PRC1: variants seen among roughly 807,000 people sequenced by gnomAD.
PRC1 encodes anaphase spindle elongation 1 homolog.
In PRC1, 54 loss-of-function variants were observed where a neutral mutation model predicts 91.2. The observed-to-expected ratio is 0.59, with a 90% confidence interval of 0.48 to 0.74. The LOEUF (loss-of-function observed/expected upper bound fraction) is 0.74, where lower values mean the gene tolerates loss of function less well. Ranked by LOEUF, PRC1 falls within the 30% of genes least tolerant of loss-of-function variation. The probability of loss-of-function intolerance (pLI) is 0.00; values close to 1 mark genes in which losing one functional copy is unlikely to be tolerated. For synonymous variants in PRC1, 275 were observed against 263.6 expected, an observed-to-expected ratio of 1.04 and a Z score of -0.42; for missense variants, 727 against 746.2, an observed-to-expected ratio of 0.97 and a Z score of 0.30.
At chr15:90,982,854 TG>T (rs2039309585) in intron 3 of PRC1, 1 of 152,298 alleles carries the variant, frequency 6.6e-6, no homozygotes, top group South Asian at 2.1e-4. Flanking sequence ...GCTAATCCTA[TG>T]AACATCGTCT....
At chr15:90,982,087 ACAAG>A (rs1264498927) in intron 3 of PRC1, 106 bp from the exon 4 acceptor site, 9 of 1,043,100 alleles carry the variant, frequency 8.6e-6, no homozygotes, top group Non-Finnish European at 1.3e-5. Flanking sequence ...AGTTAAACTA[ACAAG>A]TAAGTCAACT....
At chr15:90,968,321 G>A in intron 14 of PRC1, 1 of 985,506 alleles carries the variant, frequency 1.0e-6, no homozygotes, top group Non-Finnish European at 1.2e-6. Flanking sequence ...CAGTTTCAGT[G>A]ATCAAAACTA....
Position 90,974,814 on chromosome 15 carries a change from T to G in PRC1, c.1204-83A>C, listed in dbSNP as rs1217611902. 6 of 1,503,204 alleles carry G rather than the reference T, an allele frequency of 4.0e-6. No individual in the cohort carries two copies. Among genetic ancestry groups the G allele is most frequent in the South Asian group, 3.5e-5 (3 of 85,060 alleles). The allele number at this position is 1,503,204 out of a possible 1,614,324, so 93.1% of individuals were successfully genotyped here. A position where few individuals can be genotyped will look rare whatever the true frequency, so the allele number is the denominator to read the frequency against. On this transcript the variant is annotated intron_variant, in intron 9 of 14. Transcript: ENST00000394249. This position sits in a 1 kb window ranked among gnomAD's most constrained non-coding sequence, Gnocchi z 4.6. ...TGAAATGATTTCCCTAGAGAGTGACTCCTCCTCCCCAGAGCATCATTAGCC... is the reference window on the plus strand; with the variant it reads ...TGAAATGATTTCCCTAGAGAGTGACGCCTCCTCCCCAGAGCATCATTAGCC...
rs190092008 is a variant in PRC1 at position 90,985,483 on chromosome 15, G to A, written c.12-658C>T. Among the ~76,000 whole-genome samples the A allele has an allele frequency of 2.8e-3, 421 of 151,748 alleles. 1 individual carries two copies. Among genetic ancestry groups the A allele is most frequent in the African/African-American group, 9.2e-3 (382 of 41,404 alleles). ...CGGCCTCAAGTGATCCGCCCTCCTC[G>A]GCCTCCCAAAGTGCTAGGATTACAT... On this transcript the variant is annotated intron_variant, in intron 1 of 14. Transcript: ENST00000394249.
intron 14 of PRC1, chr15:90,968,458 TGA>T (rs746565707): frequency 9.1e-6 from 9 of 985,318 alleles, no homozygotes; most frequent in African/African-American, 1.7e-5. Flanking sequence ...AGTAAAATAT[TGA>T]GAGAAGAAAT....
At chr15:90,976,061 A>G (rs8031915) in intron 9 of PRC1, among the ~76,000 whole-genome samples, 82,336 of 151,882 alleles carry the variant, frequency 0.54, 27,192 homozygotes, top group East Asian at 0.99. Flanking sequence ...TGTTGTCGAA[A>G]CTGCCCAGTC....
intron 8 of PRC1, 29 bp from the exon 9 acceptor site, chr15:90,976,800 A>G (rs749892616): frequency 6.4e-7 from 1 of 1,557,044 alleles, no homozygotes; most frequent in Non-Finnish European, 8.9e-7. Flanking sequence ...TAATTAGTGG[A>G]AAACCTGGCA....
chr15:90,972,197 A>C (rs1288505721), intron 11 of PRC1, among the ~76,000 whole-genome samples: 20 of 146,070 alleles, frequency 1.4e-4, no homozygotes, highest in African/African-American at 5.0e-4. Flanking sequence ...AAAAAAAAAA[A>C]AAAAAAACAC....
intron 1 of PRC1, chr15:90,988,479 A>C (rs1281094434): frequency 6.6e-6 from 1 of 152,304 alleles, no homozygotes; most frequent in Admixed American, 6.5e-5. Context: ...AAATAGTTCA[A>C]CCACCTTCTG....
chr15:90,967,231 C>G, intron 14 of PRC1, 29 bp from the exon 15 acceptor site: 1 of 1,579,020 alleles, frequency 6.3e-7, no homozygotes, highest in Non-Finnish European at 8.7e-7. Context: ...CATCAGTGGC[C>G]ATACTGCCTC....
In PRC1 at chr15:90,966,727, C is replaced by A; in HGVS notation, c.*404G>T. 20 of 437,840 alleles carry A rather than the reference C, an allele frequency of 4.6e-5. No homozygotes were observed. Among genetic ancestry groups the A allele is most frequent in the Admixed American group, 1.8e-4 (7 of 38,800 alleles). 27.1% of individuals were successfully genotyped at this position (437,840 alleles called of 1,614,324 possible). On this transcript the variant is annotated 3_prime_UTR_variant, in exon 15 of 15. Transcript: ENST00000394249. ...ACAGCATTAATTGAACATGCCTAAA[C>A]AAAAAAGATGTTAATTACTAGTTAC...
In PRC1 at chr15:90,967,131, TCA is replaced by T. The variant is rs774482342; in HGVS notation, c.1861_1862del (p.Ter621ArgfsTer18). Reference sequence around the variant, plus strand: ...CAGCTGGTTGACTGATCAGGGCTTCTCAGGACTGGATGTTGGTTGAATTGAGG... The same window carrying T: ...CAGCTGGTTGACTGATCAGGGCTTCTGGACTGGATGTTGGTTGAATTGAGG... ...GILNSTNIQS[*>X] is the part of the protein sequence containing the mutation. On this transcript the variant is annotated frameshift_variant and stop_lost, in exon 15 of 15. Transcript: ENST00000394249. LOFTEE classifies it high-confidence loss of function. 1.2e-6 allele frequency: 2 copies of T among 1,613,416 alleles called. No homozygotes were observed. Among genetic ancestry groups the T allele is most frequent in the Non-Finnish European group, 1.7e-6 (2 of 1,179,344 alleles).
intron 1 of PRC1, among the ~76,000 whole-genome samples, chr15:90,991,150 G>T (rs2039958557): frequency 6.6e-6 from 1 of 151,704 alleles, no homozygotes; most frequent in African/African-American, 2.4e-5. Flanking sequence ...GGGCGCGGTG[G>T]CTCGTGTGCA....
At position 90,980,401 on chromosome 15, in the gene PRC1, A is replaced by C; in HGVS notation, c.823-12T>G. 6.2e-7 allele frequency: 1 copy of C among 1,612,016 alleles called. No homozygotes were observed. On this transcript the variant is annotated splice_polypyrimidine_tract_variant and intron_variant, in intron 6 of 14. Coordinates refer to ENST00000394249, the MANE Select transcript of PRC1 (RefSeq NM_003981.4). ...ACTTCTAATTGCAGCTGAAAGAAAG[A>C]AACTTGTTAAGGGTGGCTGCCATAG...
chr15:90,979,363 C>G, intron 7 of PRC1, 69 bp from the exon 8 acceptor site: 1 of 1,497,876 alleles, frequency 6.7e-7, no homozygotes, highest in Non-Finnish European at 9.1e-7. Context: ...TACGAATCCC[C>G]GATTCCCTAA....
At chr15:90,976,540 C>T (rs2038718282) in intron 9 of PRC1, 136 bp downstream of exon 9, 1 of 707,032 alleles carries the variant, frequency 1.4e-6, no homozygotes, top group Non-Finnish European at 2.3e-6. Context: ...GTTGCTTATA[C>T]TAAATATATA....
Position 90,984,162 on chromosome 15 carries a change from A to C in PRC1, c.145-22T>G. ...GTTCCTACAAGAGGGAAAACAGTCC[A>C]TAAGTTTGGGGCAATGGAGGAAAAA... On this transcript the variant is annotated intron_variant, in intron 2 of 14. Transcript: ENST00000394249. The surrounding 1 kb of genome is among the most constrained non-coding windows in gnomAD (Gnocchi z 5.1). 1.2e-6 allele frequency: 2 copies of C among 1,613,346 alleles called. No homozygotes were observed. Among genetic ancestry groups the C allele is most frequent in the Non-Finnish European group, 8.5e-7 (1 of 1,179,540 alleles).
intron 1 of PRC1, among the ~76,000 whole-genome samples, chr15:90,985,114 A>G (rs2039485700): frequency 6.6e-6 from 1 of 152,250 alleles, no homozygotes; most frequent in African/African-American, 2.4e-5. Flanking sequence ...AAATACTTTT[A>G]CTAAAGAAAA....
At chr15:90,976,616 C>T (rs72759311) in intron 9 of PRC1, 60 bp downstream of exon 9, 53,695 of 1,303,464 alleles carry the variant, frequency 0.041, 1,435 homozygotes, top group Non-Finnish European at 0.048. Flanking sequence ...AAGAAAAAGA[C>T]ATACAAATAG....
Sources: gnomAD v4.1 joint callset for allele counts (sites outside exome capture counted in the v4.1 genomes callset) on GRCh38, gnomAD v4.1.1 for gene constraint, Gnocchi (gnomAD v3.1) non-coding constraint, MANE v1.5 for transcripts, NCBI Gene and HGNC (gene_info 2026-07-23, HGNC 2026-07-21) for gene names.